MRPL17: variants seen among roughly 807,000 people sequenced by gnomAD.
The protein encoded by MRPL17 is mitochondrial ribosomal protein L17, also known as large ribosomal subunit protein bL17m.
MRPL17 carries 8 observed loss-of-function variants against 12.0 expected under a neutral mutation model. The ratio of observed to expected loss-of-function variants is 0.67; its 90% CI spans 0.39 to 1.21. The LOEUF (loss-of-function observed/expected upper bound fraction) is 1.21. Ranked by LOEUF, MRPL17 falls within the 50% of genes most tolerant of loss-of-function variation. The probability of loss-of-function intolerance (pLI) is 0.01; values close to 1 mark genes in which losing one functional copy is unlikely to be tolerated. For missense variants in MRPL17, 263 were observed against 234.4 expected (o/e 1.12, Z -0.80); for synonymous variants, 107 against 92.9 (o/e 1.15, Z -0.87).
chr11:6,682,454 C>T, intron 2 of MRPL17, 52 bp from the exon 3 acceptor site: 1 of 1,575,178 alleles, frequency 6.3e-7, no homozygotes, highest in South Asian at 1.2e-5. Context: ...ACTGCAGAGG[C>T]ATTTAACTTT....
At position 6,681,235 on chromosome 11, in the gene MRPL17, G is replaced by C. The variant is rs1846560065; in HGVS notation, c.*883C>G. The C allele has an allele frequency of 6.6e-6, 1 of 152,206 alleles. No individual in the cohort carries two copies. Among genetic ancestry groups the C allele is most frequent in the Admixed American group, 6.5e-5 (1 of 15,286 alleles). 9.4% of individuals were successfully genotyped at this position (152,206 alleles called of 1,614,324 possible). A position where few individuals can be genotyped will look rare whatever the true frequency, so the allele number is the denominator to read the frequency against. On this transcript the variant is annotated 3_prime_UTR_variant, in exon 3 of 3. Coordinates refer to ENST00000288937, the MANE Select transcript of MRPL17 (RefSeq NM_022061.4). ...AACCCAAGGGAACGGCAGCCTGGCTGTGCCAAGAAAGGGGCTCCCAGCTTC... is the reference window on the plus strand; with the variant it reads ...AACCCAAGGGAACGGCAGCCTGGCTCTGCCAAGAAAGGGGCTCCCAGCTTC...
In MRPL17 at chr11:6,680,404, G is replaced by A. The variant is rs947123529; in HGVS notation, c.*1714C>T. On this transcript the variant is annotated 3_prime_UTR_variant, in exon 3 of 3. Transcript: ENST00000288937. ...TTATTTGGACCAAAACATTAAAGGG[G>A]AAGCAGTGTCCCTTGAGGCCACTGT... Among the ~76,000 whole-genome samples, 4 of 152,220 alleles carry A rather than the reference G, an allele frequency of 2.6e-5. No homozygotes were observed. The highest frequency in any genetic ancestry group is 2.6e-4 in the Admixed American group (4 of 15,284).
In MRPL17 at chr11:6,683,162, T is replaced by C. The variant is rs760168718; in HGVS notation, c.135A>G (p.Pro45=). Residue 45 remains proline, a synonymous_variant, in exon 1 of 3, where the codon CCA becomes CCG. Coordinates refer to ENST00000288937, the MANE Select transcript of MRPL17 (RefSeq NM_022061.4). The part of the protein sequence containing the change: ...GLVRHERIEA[P]WARVDEMRGY... ...CCCTCATTTCGTCCACACGCGCCCA[T>C]GGTGCCTCGATGCGTTCGTGCCGCA... is the stretch of plus-strand genomic sequence containing the variant. 3.1e-6 allele frequency: 5 copies of C among 1,613,994 alleles called. No individual in the cohort carries two copies. Among genetic ancestry groups the C allele is most frequent in the South Asian group, 1.1e-5 (1 of 91,082 alleles).
chr11:6,681,987 C>T lies in MRPL17; in HGVS notation c.*131G>A, dbSNP rs547924097. On this transcript the variant is annotated 3_prime_UTR_variant, in exon 3 of 3. Coordinates refer to ENST00000288937, the MANE Select transcript of MRPL17 (RefSeq NM_022061.4). ...GCAAAGAGAGGGTCATCTGGCTCCCCAGAAGGTTCTCAACCCCATCAAGAC... is the reference window on the plus strand; with the variant it reads ...GCAAAGAGAGGGTCATCTGGCTCCCTAGAAGGTTCTCAACCCCATCAAGAC... 16 of 1,035,942 alleles carry T rather than the reference C, an allele frequency of 1.5e-5. No individual in the cohort carries two copies. In the African/African-American group the frequency reaches 2.4e-4, roughly 15 times the overall value. 64.2% of individuals were successfully genotyped at this position (1,035,942 alleles called of 1,614,324 possible).
rs1263220872 is a variant in MRPL17 at position 6,681,552 on chromosome 11, T to C, written c.*566A>G. ...GAAGGGAACACATTAAGGTAATGTG[T>C]GATCCTGCCTCAAAACAGAGGACTG... is the stretch of plus-strand genomic sequence containing the variant. On this transcript the variant is annotated 3_prime_UTR_variant, in exon 3 of 3. Transcript: ENST00000288937. 4 of 152,206 alleles carry C rather than the reference T, an allele frequency of 2.6e-5. No homozygotes were observed. Among genetic ancestry groups the C allele is most frequent in the African/African-American group, 9.7e-5 (4 of 41,434 alleles). 9.4% of individuals were successfully genotyped at this position (152,206 alleles called of 1,614,324 possible).
Position 6,682,086 on chromosome 11 carries a change from C to T in MRPL17, c.*32G>A. ...CTCCAAAGGCCTGTGATCATGGGTA[C>T]TGATTAAGGGCTGCAGACTCTTCAG... is the stretch of plus-strand genomic sequence containing the variant. On this transcript the variant is annotated 3_prime_UTR_variant, in exon 3 of 3. Transcript: ENST00000288937. The T allele has an allele frequency of 1.3e-6, 2 of 1,582,056 alleles. No individual in the cohort carries two copies. The highest frequency in any genetic ancestry group is 1.7e-6 in the Non-Finnish European group (2 of 1,161,068).
rs767803852 is a variant in MRPL17 at position 6,682,358 on chromosome 11, C to G, written c.288G>C (p.Arg96=). ...TGTAGCCCCCAGTTTGATCTTTGTA[C>G]CGAGGGGCCAGTACTTGAAACAGCT... The part of the protein sequence containing the change: ...IPKLFQVLAP[R]YKDQTGGYTR... Residue 96 remains arginine (R), a synonymous_variant, in exon 3 of 3, where the codon CGG becomes CGC. Transcript: ENST00000288937. The G allele has an allele frequency of 1.2e-6, 2 of 1,614,090 alleles. No individual in the cohort carries two copies. Among genetic ancestry groups the G allele is most frequent in the Admixed American group, 3.3e-5 (2 of 60,022 alleles).
intron 1 of MRPL17, 151 bp from the exon 2 acceptor site, chr11:6,682,966 A>G (rs1284265322): frequency 2.3e-6 from 3 of 1,280,700 alleles, no homozygotes; most frequent in Non-Finnish European, 2.2e-6. Context: ...CCAGTCTTCC[A>G]TTAGAGGCGA....
Position 6,683,194 on chromosome 11 carries a change from C to G in MRPL17, c.103G>C (p.Gly35Arg), listed in dbSNP as rs750295063. ...TCGATGCGTTCGTGCCGCACCAGCC[C>G]TGTGAGCAAGTTCCGCAACAGATGG... Reference protein sequence around the residue: ...RIHLLRNLLTGLVRHERIEAP... With the variant: ...RIHLLRNLLTRLVRHERIEAP... The change falls in exon 1 of 3, where the codon GGG (glycine) becomes CGG (arginine). Residue 35 changes from glycine to arginine, a missense_variant. Gly to Arg is a moderately radical substitution (Grantham distance 125, BLOSUM62 -2). Transcript: ENST00000288937. 6.2e-7 allele frequency: 1 copy of G among 1,614,238 alleles called. No individual in the cohort carries two copies. Among genetic ancestry groups the G allele is most frequent in the Non-Finnish European group, 8.5e-7 (1 of 1,180,056 alleles).
rs1482572088 is a variant in MRPL17 at position 6,681,227 on chromosome 11, G to T, written c.*891C>A. On this transcript the variant is annotated 3_prime_UTR_variant, in exon 3 of 3. Coordinates refer to ENST00000288937, the MANE Select transcript of MRPL17 (RefSeq NM_022061.4). Reference sequence around the variant, plus strand: ...AGCCTCTGAACCCAAGGGAACGGCAGCCTGGCTGTGCCAAGAAAGGGGCTC... The same window carrying T: ...AGCCTCTGAACCCAAGGGAACGGCATCCTGGCTGTGCCAAGAAAGGGGCTC... 2 of 152,200 alleles carry T rather than the reference G, an allele frequency of 1.3e-5. No homozygotes were observed. The highest frequency in any genetic ancestry group is 4.8e-5 in the African/African-American group (2 of 41,436). The allele number at this position is 152,200 out of a possible 1,614,324, so 9.4% of individuals were successfully genotyped here.
At chr11:6,682,641 C>A in intron 2 of MRPL17, 106 bp downstream of exon 2, 5 of 1,151,450 alleles carry the variant, frequency 4.3e-6, no homozygotes, top group Non-Finnish European at 6.5e-6. Flanking sequence ...GCAGCACTGG[C>A]CCATAAGTGA....
In MRPL17 at chr11:6,682,771, C is replaced by CAT; in HGVS notation, c.217_218dup (p.Met73IlefsTer14). On this transcript the variant is annotated frameshift_variant, in exon 2 of 3. Coordinates refer to ENST00000288937, the MANE Select transcript of MRPL17 (RefSeq NM_022061.4). LOFTEE classifies it high-confidence loss of function. ...CTGTGAGCCAGAAGTCAGCCATGCG[C>CAT]ATGGCTCGTTCGTTAGTGTCTCCCA... 6.2e-7 allele frequency: 1 copy of CAT among 1,614,168 alleles called. No individual in the cohort carries two copies. The highest frequency in any genetic ancestry group is 8.5e-7 in the Non-Finnish European group (1 of 1,180,038).
rs764767648 is a variant in MRPL17, at chr11:6,683,176, G to A, written c.121C>T (p.Arg41Cys). ...NLLTGLVRHE[R>C]IEAPWARVDE... ...ACACGCGCCCATGGTGCCTCGATGC[G>A]TTCGTGCCGCACCAGCCCTGTGAGC... The change falls in exon 1 of 3, where the codon CGC (arginine) becomes TGC (cysteine). Residue 41 changes from arginine to cysteine, a missense_variant. Arg to Cys is a radical substitution (Grantham distance 180). Coordinates refer to ENST00000288937, the MANE Select transcript of MRPL17 (RefSeq NM_022061.4). 1.2e-6 allele frequency: 2 copies of A among 1,614,166 alleles called. No individual in the cohort carries two copies. The highest frequency in any genetic ancestry group is 2.2e-5 in the South Asian group (2 of 91,090).
At chr11:6,682,425 G>C in intron 2 of MRPL17, 23 bp from the exon 3 acceptor site, 3 of 1,605,480 alleles carry the variant, frequency 1.9e-6, no homozygotes, top group Non-Finnish European at 2.6e-6. Context: ...TTATCCAAGA[G>C]ACAGCAGAGT....
Position 6,683,214 on chromosome 11 carries a change from A to T in MRPL17, c.83T>A (p.Leu28Gln). 6.2e-7 allele frequency: 1 copy of T among 1,614,206 alleles called. No individual in the cohort carries two copies. The highest frequency in any genetic ancestry group is 8.5e-7 in the Non-Finnish European group (1 of 1,180,038). The change falls in exon 1 of 3, where the codon CTG (leucine) becomes CAG (glutamine). Residue 28 changes from leucine (L) to glutamine (Q), a missense_variant. Transcript: ENST00000288937. ...CAGCCCTGTGAGCAAGTTCCGCAACAGATGGATGCGGGACTCGGGACCGAG... is the reference window on the plus strand; with the variant it reads ...CAGCCCTGTGAGCAAGTTCCGCAACTGATGGATGCGGGACTCGGGACCGAG... Reference protein sequence around the residue: ...MGLGPESRIHLLRNLLTGLVR... With the variant: ...MGLGPESRIHQLRNLLTGLVR...
rs1041642111 is a variant in MRPL17 at position 6,681,258 on chromosome 11, T to C, written c.*860A>G. ...CTGTGCCAAGAAAGGGGCTCCCAGC[T>C]TCTCACATTCTGAAGCCGGATTTCC... On this transcript the variant is annotated 3_prime_UTR_variant, in exon 3 of 3. Transcript: ENST00000288937. 1 of 152,212 alleles carries C rather than the reference T, an allele frequency of 6.6e-6. No individual in the cohort carries two copies. The highest frequency in any genetic ancestry group is 1.5e-5 in the Non-Finnish European group (1 of 68,038). The allele number at this position is 152,212 out of a possible 1,614,324, so 9.4% of individuals were successfully genotyped here. A position where few individuals can be genotyped will look rare whatever the true frequency, so the allele number is the denominator to read the frequency against.
At position 6,682,214 on chromosome 11, in the gene MRPL17, G is replaced by C. The variant is rs774981780; in HGVS notation, c.432C>G (p.Leu144=). 1.1e-5 allele frequency: 17 copies of C among 1,614,088 alleles called. No individual in the cohort carries two copies. The highest frequency in any genetic ancestry group is 1.3e-5 in the African/African-American group (1 of 74,922). Residue 144 remains leucine (L), a synonymous_variant, in exon 3 of 3, where the codon CTC becomes CTG. Coordinates refer to ENST00000288937, the MANE Select transcript of MRPL17 (RefSeq NM_022061.4). Reference sequence around the variant, plus strand: ...GCAAACCCTGCAGCAGCTGGTTTAGGAGTGTAAGGTGGCTGTCTCTGCGAG... The same window carrying C: ...GCAAACCCTGCAGCAGCTGGTTTAGCAGTGTAAGGTGGCTGTCTCTGCGAG... ...PLPRRDSHLT[L]LNQLLQGLRQ...
At chr11:6,682,607 A>T in intron 2 of MRPL17, 140 bp downstream of exon 2, 2 of 989,030 alleles carry the variant, frequency 2.0e-6, no homozygotes, top group Non-Finnish European at 3.1e-6. Flanking sequence ...CAACTAACTT[A>T]AGACACAGTT....
chr11:6,681,862 T>A lies in MRPL17; in HGVS notation c.*256A>T. 1 of 258,010 alleles carries A rather than the reference T, an allele frequency of 3.9e-6. No individual in the cohort carries two copies. Among genetic ancestry groups the A allele is most frequent in the Non-Finnish European group, 7.1e-6 (1 of 140,458 alleles). 16.0% of individuals were successfully genotyped at this position (258,010 alleles called of 1,614,324 possible). A position where few individuals can be genotyped will look rare whatever the true frequency, so the allele number is the denominator to read the frequency against. ...TAAGCCATGAATTTACTATCTCAGG[T>A]AGACTGAGCATTTGGATAATTCTCA... On this transcript the variant is annotated 3_prime_UTR_variant, in exon 3 of 3. Transcript: ENST00000288937.
Sources: gnomAD v4.1 joint callset for allele counts (sites outside exome capture counted in the v4.1 genomes callset) on GRCh38, gnomAD v4.1.1 for gene constraint, MANE v1.5 for transcripts, NCBI Gene and HGNC (gene_info 2026-07-23, HGNC 2026-07-21) for gene names.